HMGN3: variants seen among roughly 807,000 people sequenced by gnomAD.
HMGN3 encodes the protein high mobility group nucleosomal binding domain 3, also known as high mobility group nucleosome-binding domain-containing protein 3.
Under a neutral mutation model 18.8 loss-of-function variants are expected in HMGN3, and 6 were observed. The observed-to-expected ratio is 0.32, with a 90% confidence interval of 0.18 to 0.63. HMGN3 has a LOEUF of 0.63. Ranked by LOEUF, HMGN3 falls within the 30% of genes least tolerant of loss-of-function variation. The probability of loss-of-function intolerance (pLI) is 0.79; values close to 1 mark genes in which losing one functional copy is unlikely to be tolerated. For missense variants in HMGN3, 107 were observed against 114.2 expected (o/e 0.94, Z 0.29); for synonymous variants, 40 against 36.5 (o/e 1.10, Z -0.35).
intron 1 of HMGN3, among the ~76,000 whole-genome samples, chr6:79,216,536 G>A (rs1346703807): frequency 6.6e-6 from 1 of 152,144 alleles, no homozygotes; most frequent in African/African-American, 2.4e-5. Context: ...GTTACCCAGA[G>A]CCTATCATAT....
At chr6:79,212,710 A>G (rs1374526955) in intron 2 of HMGN3, among the ~76,000 whole-genome samples, 4 of 152,244 alleles carry the variant, frequency 2.6e-5, no homozygotes, top group African/African-American at 9.6e-5. Context: ...GCCTTCTAAT[A>G]TGGCAGTGGA....
intron 3 of HMGN3, among the ~76,000 whole-genome samples, chr6:79,205,119 G>T (rs1776353730): frequency 1.3e-5 from 2 of 152,188 alleles, no homozygotes; most frequent in South Asian, 4.1e-4. Flanking sequence ...AGTGGAAGGT[G>T]CTTATATTGC....
At chr6:79,219,343 C>T (rs1337115609) in intron 1 of HMGN3, among the ~76,000 whole-genome samples, 3 of 151,962 alleles carry the variant, frequency 2.0e-5, no homozygotes, top group Non-Finnish European at 4.4e-5. Context: ...AATTCTATAC[C>T]TAGCTATCAT....
rs1777991282 is a variant in HMGN3, at chr6:79,233,831, C to G, written c.15+715G>C. 2.0e-5 allele frequency: 3 copies of G among 152,412 alleles called. No individual in the cohort carries two copies. In the South Asian group the frequency reaches 6.2e-4, roughly 32 times the overall value. The allele number at this position is 152,412 out of a possible 1,614,324, so 9.4% of individuals were successfully genotyped here. On this transcript the variant is annotated intron_variant, in intron 1 of 5. Transcript: ENST00000344726. The stretch of plus-strand genomic sequence containing the variant: ...GTGGGTTCCAGTCGCTGGGGAGGAC[C>G]TGGTGGCCCCCTGACCTTGGACGAG...
exon 4 of HMGN3, chr6:79,203,613 T>G (rs1236003820): frequency 1.2e-6 from 2 of 1,612,854 alleles, no homozygotes. Flanking sequence ...TGGGTTCAGG[T>G]TTTGGTGGAG....
At chr6:79,221,528 G>GA (rs1394777737) in intron 1 of HMGN3, among the ~76,000 whole-genome samples, 2 of 152,178 alleles carry the variant, frequency 1.3e-5, no homozygotes, top group African/African-American at 4.8e-5. Context: ...CATCCATGAA[G>GA]AATCAACAAG....
chr6:79,215,601 G>A (rs1040393950), intron 1 of HMGN3, among the ~76,000 whole-genome samples: 1 of 152,188 alleles, frequency 6.6e-6, no homozygotes, highest in African/African-American at 2.4e-5. Context: ...GCCAGGCTAC[G>A]TGCCACCCTC....
chr6:79,224,064 A>C (rs894680468), intron 1 of HMGN3, among the ~76,000 whole-genome samples: 1 of 152,228 alleles, frequency 6.6e-6, no homozygotes, highest in Admixed American at 6.5e-5. Flanking sequence ...GCAATGATTG[A>C]AATGATTTAA....
intron 3 of HMGN3, among the ~76,000 whole-genome samples, chr6:79,205,655 A>C (rs1776388549): frequency 6.6e-6 from 1 of 152,234 alleles, no homozygotes; most frequent in African/African-American, 2.4e-5. Flanking sequence ...AATTGGTACC[A>C]GAAGAGTGGG....
At chr6:79,226,291 C>T (rs1039883995) in intron 1 of HMGN3, among the ~76,000 whole-genome samples, 1 of 152,196 alleles carries the variant, frequency 6.6e-6, no homozygotes, top group Non-Finnish European at 1.5e-5. Flanking sequence ...CCAACTCAGC[C>T]ATTCCTTATC....
chr6:79,216,407 G>T (rs1776985847), intron 1 of HMGN3, among the ~76,000 whole-genome samples: 1 of 152,104 alleles, frequency 6.6e-6, no homozygotes, highest in South Asian at 2.1e-4. Flanking sequence ...AAAAACTTAG[G>T]TCATAAAAAT....
intron 2 of HMGN3, among the ~76,000 whole-genome samples, chr6:79,214,061 T>C (rs1776833632): frequency 6.6e-6 from 1 of 152,186 alleles, no homozygotes; most frequent in South Asian, 2.1e-4. Context: ...TCCAAGTTTC[T>C]AGACTTTTGG....
At chr6:79,212,652 T>G (rs1776756571) in intron 2 of HMGN3, among the ~76,000 whole-genome samples, 1 of 152,238 alleles carries the variant, frequency 6.6e-6, no homozygotes, top group Non-Finnish European at 1.5e-5. Flanking sequence ...ATGTATTATT[T>G]TGGTTATTTA....
At chr6:79,234,267 T>G in intron 1 of HMGN3, 3 of 350,072 alleles carry the variant, frequency 8.6e-6, no homozygotes, top group African/African-American at 2.1e-5. Context: ...TGCTTCTTGT[T>G]GTTGGGGGTG....
At chr6:79,222,247 A>G (rs1439541596) in intron 1 of HMGN3, among the ~76,000 whole-genome samples, 1 of 152,222 alleles carries the variant, frequency 6.6e-6, no homozygotes, top group East Asian at 1.9e-4. Context: ...CCAATGTTTT[A>G]AAATTATTAC....
rs1777552009 is a variant in HMGN3 at position 79,226,055 on chromosome 6, G to A, written c.15+8491C>T. 2.0e-5 allele frequency among the ~76,000 whole-genome samples: 3 copies of A among 152,202 alleles called. No individual in the cohort carries two copies. The South Asian group carries it at 6.2e-4, about 32-fold the overall frequency. ...AAAATAAAAATACATGTGGTTATTAGAAATAAACATATACAGAAAGTATTA... is the reference window on the plus strand; with the variant it reads ...AAAATAAAAATACATGTGGTTATTAAAAATAAACATATACAGAAAGTATTA... On this transcript the variant is annotated intron_variant, in intron 1 of 5. Transcript: ENST00000344726.
chr6:79,214,481 G>A (rs1414262222), intron 2 of HMGN3, among the ~76,000 whole-genome samples: 4 of 152,172 alleles, frequency 2.6e-5, no homozygotes, highest in Admixed American at 6.5e-5. Context: ...GATTACAGGC[G>A]TGAGCCACTG....
At chr6:79,227,585 A>G (rs550048614) in intron 1 of HMGN3, among the ~76,000 whole-genome samples, 2 of 152,338 alleles carry the variant, frequency 1.3e-5, no homozygotes, top group South Asian at 4.1e-4. Flanking sequence ...TGAATTCACT[A>G]TCTCAGTTAA....
chr6:79,223,099 C>G (rs1489571260), intron 1 of HMGN3, among the ~76,000 whole-genome samples: 13 of 152,124 alleles, frequency 8.5e-5, no homozygotes, highest in Non-Finnish European at 1.5e-5. Flanking sequence ...GAAATATAGG[C>G]CAGGCACAGT....
Sources: allele counts gnomAD v4.1 joint callset (sites outside exome capture counted in the v4.1 genomes callset), GRCh38; gene constraint gnomAD v4.1.1; transcripts MANE v1.5; gene names NCBI Gene and HGNC (gene_info 2026-07-23, HGNC 2026-07-21).